The following YARS2 variants were observed in gnomAD, a reference collection of about 807,000 sequenced individuals.
YARS2 encodes tyrosyl-tRNA synthetase 2.
Under a neutral mutation model 45.0 loss-of-function variants are expected in YARS2, and 38 were observed. That is an observed-to-expected ratio of 0.84 (90% CI 0.65 to 1.11). The LOEUF is 1.11. YARS2 is among the 50% of genes least tolerant of loss of function. The probability of loss-of-function intolerance (pLI) is 0.00; values close to 1 mark genes in which losing one functional copy is unlikely to be tolerated. For synonymous variants in YARS2, 287 were observed against 245.1 expected (o/e 1.17, Z -1.60); for missense variants, 602 against 599.8 (o/e 1.00, Z -0.04).
intron 1 of YARS2, 59 bp from the exon 2 acceptor site, chr12:32,754,144 T>C: frequency 6.3e-7 from 1 of 1,599,000 alleles, no homozygotes; most frequent in Non-Finnish European, 8.6e-7. Flanking sequence ...TAGGTTCTAC[T>C]GTTCACCTTC....
chr12:32,749,754 T>C (rs1364324706), intron 4 of YARS2, among the ~76,000 whole-genome samples, 183 bp downstream of exon 4: 1 of 151,328 alleles, frequency 6.6e-6, no homozygotes, highest in Non-Finnish European at 1.5e-5. Flanking sequence ...CTAATTTGTA[T>C]TTTTAGTAGA....
intron 2 of YARS2, among the ~76,000 whole-genome samples, chr12:32,753,192 C>G (rs1445537616): frequency 6.6e-6 from 1 of 152,124 alleles, no homozygotes; most frequent in Non-Finnish European, 1.5e-5. Context: ...GTGGTGTGCA[C>G]CTGAGCCTGG....
chr12:32,748,907 G>A (rs1300197857), intron 4 of YARS2, among the ~76,000 whole-genome samples: 1 of 152,194 alleles, frequency 6.6e-6, no homozygotes, highest in African/African-American at 2.4e-5. Context: ...GGGTCTTCTG[G>A]CTACCCAACA....
In YARS2 at chr12:32,750,893, A is replaced by G. The variant is rs577315758; in HGVS notation, c.948-19T>C. 146 of 1,613,216 alleles carry G rather than the reference A, an allele frequency of 9.1e-5. No individual in the cohort carries two copies. The highest frequency in any genetic ancestry group is 1.2e-4 in the Admixed American group (7 of 60,018). On this transcript the variant is annotated intron_variant, in intron 2 of 4. Transcript: ENST00000324868. Reference sequence around the variant, plus strand: ...CAGGTACCTTTGAGACAAAAAATAAAGAGTTACACTTATATAACATACCTA... The same window carrying G: ...CAGGTACCTTTGAGACAAAAAATAAGGAGTTACACTTATATAACATACCTA...
At chr12:32,748,542 A>C (rs1955683236) in intron 4 of YARS2, among the ~76,000 whole-genome samples, 1 of 152,220 alleles carries the variant, frequency 6.6e-6, no homozygotes, top group African/African-American at 2.4e-5. Flanking sequence ...TAAAGCTTCC[A>C]GTATTAGCGA....
chr12:32,750,688 C>T, intron 3 of YARS2, 31 bp downstream of exon 3: 1 of 1,611,810 alleles, frequency 6.2e-7, no homozygotes, highest in Non-Finnish European at 8.5e-7. Context: ...GAATAACTAA[C>T]TATCAAGTGT....
rs372098364 is a variant in YARS2 at position 32,755,124 on chromosome 12, T to C, written c.751A>G (p.Ile251Val). ...TTGATGAACTCATATCCGGACATGA[T>C]GTTGCCTAGTTGATCAGATCCGCCC... ...QLGGSDQLGN[I>V]MSGYEFINKL... The change falls in exon 1 of 5, where the codon ATC (isoleucine) becomes GTC (valine). Residue 251 changes from isoleucine (I) to valine (V), a missense_variant. Transcript: ENST00000324868. 6.8e-5 allele frequency: 109 copies of C among 1,614,056 alleles called. No individual in the cohort carries two copies. Among genetic ancestry groups the C allele is most frequent in the Non-Finnish European group, 8.9e-5 (105 of 1,180,038 alleles).
rs1342172202 is a variant in YARS2, at chr12:32,749,961, T to C, written c.1250A>G (p.Asn417Ser). ...CCCTCGGGGACCATCTGGAATGGCA[T>C]TTGCTTTGCGGCAAGTATCTAGGAC... ...TSVLDTCRKA[N>S]AIPDGPRGYR... Residue 417 changes from asparagine to serine, a missense_variant, in exon 4 of 5, where the codon AAT becomes AGT. Asn to Ser is a conservative substitution (Grantham distance 46). Transcript: ENST00000324868. 2 of 1,613,964 alleles carry C rather than the reference T, an allele frequency of 1.2e-6. No homozygotes were observed. The highest frequency in any genetic ancestry group is 1.7e-6 in the Non-Finnish European group (2 of 1,180,006).
rs773167596 is a variant in YARS2, at chr12:32,750,098, T to C, written c.1113A>G (p.Gln371=). 26 of 1,613,998 alleles carry C rather than the reference T, an allele frequency of 1.6e-5. No homozygotes were observed. Among genetic ancestry groups the C allele is most frequent in the Middle Eastern group, 3.3e-4 (2 of 6,084 alleles). ...EGLDSAKRCT[Q]ALYHSSIDAL... ...CATCTATGCTACTGTGATAAAGGGC[T>C]TGTGTACACCTGAAAAACACATTTT... Residue 371 remains glutamine, a synonymous_variant, in exon 4 of 5, where the codon CAA becomes CAG. Transcript: ENST00000324868.
At chr12:32,754,798 T>TTCGCC (rs891813029) in intron 1 of YARS2, among the ~76,000 whole-genome samples, 1 of 147,496 alleles carries the variant, frequency 6.8e-6, no homozygotes, top group African/African-American at 2.5e-5. Context: ...CACTGAAACC[T>TTCGCC]TCGCCTCCCG....
intron 4 of YARS2, 105 bp from the exon 5 acceptor site, chr12:32,747,468 G>T: frequency 1.7e-6 from 2 of 1,191,364 alleles, no homozygotes; most frequent in Non-Finnish European, 2.5e-6. Context: ...CAATTGAGAA[G>T]ATTTCATTTG....
rs748214108 is a variant in YARS2, at chr12:32,755,328, C to T, written c.547G>A (p.Val183Met). The change falls in exon 1 of 5, where the codon GTG becomes ATG. Residue 183 changes from valine (V) to methionine (M), a missense_variant. By Grantham distance (21) the Val-to-Met change is conservative. Coordinates refer to ENST00000324868, the MANE Select transcript of YARS2 (RefSeq NM_001040436.3). ...NSAWYQKQHL[V>M]DFLAAVGGHF... ...CCCCCCACTGCCGCCAGGAAGTCCA[C>T]CAGGTGCTGCTTCTGGTACCAGGCC... The T allele has an allele frequency of 4.3e-6, 7 of 1,614,118 alleles. No individual in the cohort carries two copies. In the Admixed American group the frequency reaches 5.0e-5, roughly 12 times the overall value.
At chr12:32,754,393 G>A (rs1289056460) in intron 1 of YARS2, among the ~76,000 whole-genome samples, 1 of 152,178 alleles carries the variant, frequency 6.6e-6, no homozygotes. Context: ...AGACACTAAA[G>A]GAAATCTTCT....
chr12:32,755,033 C>A, intron 1 of YARS2, 63 bp downstream of exon 1: 1 of 1,602,326 alleles, frequency 6.2e-7, no homozygotes. Flanking sequence ...AAGAGTGAAT[C>A]ACAGGCTACT....
intron 4 of YARS2, among the ~76,000 whole-genome samples, chr12:32,749,319 C>T (rs546917341): frequency 6.6e-6 from 1 of 152,242 alleles, no homozygotes; most frequent in East Asian, 1.9e-4. Flanking sequence ...TATCCCTAAG[C>T]CGTACACTGA....
In YARS2 at chr12:32,750,740, T is replaced by C. The variant is rs1412336844; in HGVS notation, c.1082A>G (p.Glu361Gly). 1.9e-6 allele frequency: 3 copies of C among 1,614,086 alleles called. 1 individual carries two copies. Among genetic ancestry groups the C allele is most frequent in the South Asian group, 2.2e-5 (2 of 91,068 alleles). ...AEVTKLVHGR[E>G]GLDSAKRCTQ... Reference sequence around the variant, plus strand: ...CTACCTTTTAGCAGAATCCAATCCTTCTCGTCCATGAACAAGCTTTGTTAC... The same window carrying C: ...CTACCTTTTAGCAGAATCCAATCCTCCTCGTCCATGAACAAGCTTTGTTAC... Residue 361 changes from glutamate to glycine, a missense_variant, in exon 3 of 5, where the codon GAA becomes GGA. By Grantham distance (98) the Glu-to-Gly change is moderately conservative. Coordinates refer to ENST00000324868, the MANE Select transcript of YARS2 (RefSeq NM_001040436.3).
Position 32,754,064 on chromosome 12 carries a change from A to G in YARS2, c.801T>C (p.Phe267=). 6.2e-7 allele frequency: 1 copy of G among 1,614,214 alleles called. No homozygotes were observed. Among genetic ancestry groups the G allele is most frequent in the Non-Finnish European group, 8.5e-7 (1 of 1,180,038 alleles). ...FINKLTGEDV[F]GITVPLITST... ...TTGTAATTAGAGGAACGGTGATTCCAAATACATCTTCTCCAGTCAACCTAC... is the reference window on the plus strand; with the variant it reads ...TTGTAATTAGAGGAACGGTGATTCCGAATACATCTTCTCCAGTCAACCTAC... The change falls in exon 2 of 5, where the codon TTT becomes TTC. Residue 267 remains phenylalanine (F), a synonymous_variant. Transcript: ENST00000324868.
At position 32,750,058 on chromosome 12, in the gene YARS2, A is replaced by G. The variant is rs747100116; in HGVS notation, c.1153T>C (p.Ser385Pro). 1 of 1,614,196 alleles carries G rather than the reference A, an allele frequency of 6.2e-7. No individual in the cohort carries two copies. The highest frequency in any genetic ancestry group is 8.5e-7 in the Non-Finnish European group (1 of 1,180,042). ...HSSIDALEVM[S>P]DQELKELFKE... ...AACAACTCTTTTAACTCCTGATCAG[A>G]CATGACCTCCAGTGCATCTATGCTA... Residue 385 changes from serine to proline, a missense_variant, in exon 4 of 5, where the codon TCT becomes CCT. Physicochemically the swap from Ser to Pro is moderately conservative, Grantham distance 74. Transcript: ENST00000324868.
At chr12:32,753,093 C>T (rs904815253) in intron 2 of YARS2, among the ~76,000 whole-genome samples, 6 of 151,944 alleles carry the variant, frequency 3.9e-5, no homozygotes, top group East Asian at 3.9e-4. Flanking sequence ...GCAGGTTTAT[C>T]GCTTGAGTCC....
Sources: gnomAD v4.1 joint callset for allele counts (sites outside exome capture counted in the v4.1 genomes callset) on GRCh38, gnomAD v4.1.1 for gene constraint, MANE v1.5 for transcripts, NCBI Gene and HGNC (gene_info 2026-07-23, HGNC 2026-07-21) for gene names.